THSD7B: variants seen among roughly 807,000 people sequenced by gnomAD.
The protein encoded by THSD7B is thrombospondin type 1 domain containing 7B, also known as thrombospondin type-1 domain-containing protein 7B.
Under a neutral mutation model 213.6 loss-of-function variants are expected in THSD7B, and 138 were observed. That is an observed-to-expected ratio of 0.65 (90% CI 0.56 to 0.74). THSD7B has a LOEUF of 0.74. Among genes scored for constraint, THSD7B ranks in the 30% least tolerant of loss-of-function variants. The pLI is 0.00. For missense variants in THSD7B, 1,931 were observed against 1,991.5 expected (o/e 0.97, Z 0.58); for synonymous variants, 742 against 687.0 (o/e 1.08, Z -1.25).
At chr2:137,628,300 A>G (rs796245823) in intron 20 of THSD7B, among the ~76,000 whole-genome samples, 7 of 152,328 alleles carry the variant, frequency 4.6e-5, no homozygotes, top group African/African-American at 1.7e-4. Flanking sequence ...CTCATAGCCT[A>G]TATGATGTTC....
At chr2:137,259,898 G>A (rs1682400978) in intron 10 of THSD7B, among the ~76,000 whole-genome samples, 2 of 151,764 alleles carry the variant, frequency 1.3e-5, no homozygotes, top group Admixed American at 6.6e-5. Flanking sequence ...CTCATCTTGG[G>A]TTTTCTTTAT....
chr2:137,195,480 A>G (rs934121890), intron 7 of THSD7B, among the ~76,000 whole-genome samples: 2 of 152,116 alleles, frequency 1.3e-5, no homozygotes, highest in Admixed American at 1.3e-4. Flanking sequence ...GGAGATCTTC[A>G]TGTGCCAAAA....
chr2:137,080,334 T>G (rs941128828), intron 3 of THSD7B, among the ~76,000 whole-genome samples: 2 of 149,364 alleles, frequency 1.3e-5, no homozygotes, highest in Non-Finnish European at 3.0e-5. Flanking sequence ...CCCAAGCAGC[T>G]GCGATTATAG....
chr2:137,486,311 C>A (rs1456234612), intron 15 of THSD7B, among the ~76,000 whole-genome samples: 13 of 148,160 alleles, frequency 8.8e-5, no homozygotes, highest in Middle Eastern at 3.6e-3. Flanking sequence ...ATCTACCAAG[C>A]AAATGGAAAA....
intron 12 of THSD7B, among the ~76,000 whole-genome samples, chr2:137,388,223 G>A (rs539940511): frequency 3.3e-5 from 5 of 149,636 alleles, no homozygotes; most frequent in African/African-American, 5.1e-5. Flanking sequence ...TGTACTAAGT[G>A]CTTAGTTTTG....
chr2:136,921,847 C>T lies in THSD7B; in HGVS notation c.139+39530C>T, dbSNP rs1332204423. Among the ~76,000 whole-genome samples the T allele has an allele frequency of 2.0e-5, 3 of 152,232 alleles. No homozygotes were observed. In the East Asian group the frequency reaches 5.8e-4, roughly 29 times the overall value. ...TAGATTGTGGAAGCTCAGATGAATC[C>T]TATCTTTCTAACTGGTTATCATTTT... On this transcript the variant is annotated intron_variant, in intron 2 of 27. Coordinates refer to ENST00000409968, the MANE Select transcript of THSD7B (RefSeq NM_001316349.2).
At chr2:136,935,319 G>A (rs993156744) in intron 2 of THSD7B, among the ~76,000 whole-genome samples, 1 of 152,112 alleles carries the variant, frequency 6.6e-6, no homozygotes, top group Non-Finnish European at 1.5e-5. Context: ...ACTTTTCTGA[G>A]CCTCAGTTTT....
intron 2 of THSD7B, among the ~76,000 whole-genome samples, chr2:136,939,884 C>T (rs1350993999): frequency 1.3e-5 from 2 of 152,094 alleles, no homozygotes; most frequent in Non-Finnish European, 1.5e-5. Context: ...CCCCGACACA[C>T]ACCACCACCA....
intron 12 of THSD7B, among the ~76,000 whole-genome samples, chr2:137,360,370 A>G (rs1431206337): frequency 1.3e-5 from 2 of 152,138 alleles, no homozygotes; most frequent in Admixed American, 6.5e-5. Context: ...CTGGTCAGAC[A>G]GGGTGCACCC....
At chr2:137,325,118 C>G (rs2104884650) in intron 12 of THSD7B, among the ~76,000 whole-genome samples, 1 of 152,266 alleles carries the variant, frequency 6.6e-6, no homozygotes, top group South Asian at 2.1e-4. Flanking sequence ...AGGTTAATAA[C>G]TCATCTCTCT....
chr2:136,900,585 ATC>A (rs1279724765), intron 2 of THSD7B, among the ~76,000 whole-genome samples: 1 of 152,086 alleles, frequency 6.6e-6, no homozygotes, highest in Admixed American at 6.6e-5. Flanking sequence ...CCAAAAAGGG[ATC>A]TGTTTCCTAT....
chr2:137,346,731 C>G (rs950335711), intron 12 of THSD7B, among the ~76,000 whole-genome samples: 1 of 151,580 alleles, frequency 6.6e-6, no homozygotes, highest in Non-Finnish European at 1.5e-5. Flanking sequence ...AAAATTCTAG[C>G]CTATAAATTA....
chr2:137,190,293 A>G (rs1680631722), intron 7 of THSD7B, among the ~76,000 whole-genome samples: 1 of 152,228 alleles, frequency 6.6e-6, no homozygotes, highest in Non-Finnish European at 1.5e-5. Flanking sequence ...AGGATGTACC[A>G]GGCGCTTAGT....
chr2:137,253,745 T>C (rs1278322322), intron 10 of THSD7B, among the ~76,000 whole-genome samples: 3 of 152,190 alleles, frequency 2.0e-5, no homozygotes, highest in African/African-American at 7.2e-5. Flanking sequence ...GGGTGTTTCC[T>C]TCAGTTTATT....
chr2:137,570,152 A>T lies in THSD7B; in HGVS notation c.3273-2254A>T, dbSNP rs181189624. On this transcript the variant is annotated intron_variant, in intron 16 of 27. Coordinates refer to ENST00000409968, the MANE Select transcript of THSD7B (RefSeq NM_001316349.2). Reference sequence around the variant, plus strand: ...TCCCTATATTAGAAGGCATTATTACAACTTTTTTGTATACCATTCTCTGCT... The same window carrying T: ...TCCCTATATTAGAAGGCATTATTACTACTTTTTTGTATACCATTCTCTGCT... 1.2e-3 allele frequency among the ~76,000 whole-genome samples: 183 copies of T among 152,094 alleles called. 1 individual carries two copies. Among genetic ancestry groups the T allele is most frequent in the Admixed American group, 4.8e-3 (73 of 15,290 alleles).
At chr2:137,371,596 C>T (rs1685536186) in intron 12 of THSD7B, among the ~76,000 whole-genome samples, 1 of 152,002 alleles carries the variant, frequency 6.6e-6, no homozygotes, top group African/African-American at 2.4e-5. Context: ...TTAATGATTT[C>T]CTCCCTGGCA....
intron 1 of THSD7B, among the ~76,000 whole-genome samples, chr2:136,769,376 T>C (rs1411474601): frequency 2.0e-5 from 3 of 152,230 alleles, no homozygotes; most frequent in African/African-American, 4.8e-5. Flanking sequence ...GATCATTTTG[T>C]TGCTACCACA....
At chr2:136,873,495 G>T (rs1470540544) in intron 1 of THSD7B, among the ~76,000 whole-genome samples, 1 of 152,188 alleles carries the variant, frequency 6.6e-6, no homozygotes. Context: ...GATAATACCT[G>T]TTTTTTCCTT....
At chr2:137,565,546 A>G (rs962112701) in intron 16 of THSD7B, among the ~76,000 whole-genome samples, 1 of 152,164 alleles carries the variant, frequency 6.6e-6, no homozygotes, top group African/African-American at 2.4e-5. Context: ...TCAAGACTCA[A>G]TTGCATCTTA....
Sources: gnomAD v4.1 joint callset for allele counts (sites outside exome capture counted in the v4.1 genomes callset) on GRCh38, gnomAD v4.1.1 for gene constraint, MANE v1.5 for transcripts, NCBI Gene and HGNC (gene_info 2026-07-23, HGNC 2026-07-21) for gene names.